GLRB: variants seen among roughly 807,000 people sequenced by gnomAD.
GLRB encodes the protein glycine receptor beta, also known as glycine receptor subunit beta.
GLRB carries 33 observed loss-of-function variants against 54.2 expected under a neutral mutation model. That is an observed-to-expected ratio of 0.61 (90% CI 0.46 to 0.81). The LOEUF (loss-of-function observed/expected upper bound fraction) is 0.81. GLRB is among the 40% of genes least tolerant of loss of function. GLRB has a pLI of 0.00. For missense variants in GLRB, 572 were observed against 584.6 expected (o/e 0.98, Z 0.22); for synonymous variants, 209 against 208.2 (o/e 1.00, Z -0.03).
chr4:157,104,954 C>CT (rs756079657), intron 2 of GLRB, among the ~76,000 whole-genome samples: 44 of 151,564 alleles, frequency 2.9e-4, no homozygotes, highest in Admixed American at 4.6e-4. Flanking sequence ...TTAGTTGCAT[C>CT]TTCTTTCTTC....
intron 2 of GLRB, among the ~76,000 whole-genome samples, chr4:157,111,826 A>G (rs1735430136): frequency 6.6e-6 from 1 of 151,896 alleles, no homozygotes; most frequent in Non-Finnish European, 1.5e-5. Flanking sequence ...CTCTTTCTCA[A>G]CTGAAAAAAA....
At chr4:157,161,970 G>A (rs945483800) in intron 9 of GLRB, among the ~76,000 whole-genome samples, 12 of 152,164 alleles carry the variant, frequency 7.9e-5, no homozygotes, top group African/African-American at 2.4e-4. Flanking sequence ...AGGTACACCA[G>A]TCAGACGTAG....
intron 8 of GLRB, among the ~76,000 whole-genome samples, chr4:157,149,775 T>G (rs988224632): frequency 3.3e-5 from 5 of 152,102 alleles, no homozygotes; most frequent in Non-Finnish European, 7.4e-5. Flanking sequence ...GCTCTGTTGA[T>G]TCATGGCATT....
At chr4:157,149,217 T>A (rs912561572) in intron 8 of GLRB, among the ~76,000 whole-genome samples, 5 of 152,134 alleles carry the variant, frequency 3.3e-5, no homozygotes, top group Non-Finnish European at 7.4e-5. Flanking sequence ...TACTTTAAAT[T>A]GCCCTAGATT....
intron 2 of GLRB, among the ~76,000 whole-genome samples, chr4:157,098,909 A>C (rs1734914977): frequency 6.6e-6 from 1 of 151,976 alleles, no homozygotes; most frequent in Non-Finnish European, 1.5e-5. Flanking sequence ...TGCCTGGCTG[A>C]AAATCACTTT....
intron 4 of GLRB, among the ~76,000 whole-genome samples, chr4:157,123,185 G>A (rs1735895621): frequency 6.6e-6 from 1 of 151,632 alleles, no homozygotes; most frequent in Non-Finnish European, 1.5e-5. Context: ...TACTTCAGGT[G>A]GAAGAAAGAA....
At chr4:157,144,280 G>A (rs576929128) in intron 8 of GLRB, among the ~76,000 whole-genome samples, 1 of 152,238 alleles carries the variant, frequency 6.6e-6, no homozygotes, top group South Asian at 2.1e-4. Flanking sequence ...ACTTAAAAAT[G>A]AATAACTATT....
At chr4:157,101,306 A>G (rs1735016884) in intron 2 of GLRB, among the ~76,000 whole-genome samples, 1 of 152,050 alleles carries the variant, frequency 6.6e-6, no homozygotes, top group South Asian at 2.1e-4. Context: ...ATTTTTGGTG[A>G]CCTATAATGT....
At chr4:157,090,279 G>A (rs1370739977) in intron 2 of GLRB, among the ~76,000 whole-genome samples, 2 of 152,128 alleles carry the variant, frequency 1.3e-5, no homozygotes, top group East Asian at 1.9e-4. Context: ...ATAACTGTAC[G>A]GATATTAACA....
At chr4:157,092,056 T>C (rs6813686) in intron 2 of GLRB, among the ~76,000 whole-genome samples, 64,524 of 152,068 alleles carry the variant, frequency 0.42, 16,371 homozygotes, top group African/African-American at 0.72. Flanking sequence ...ATTCAGGAGA[T>C]TTGTGTTCTA....
chr4:157,151,560 G>A (rs1269570424), intron 8 of GLRB, among the ~76,000 whole-genome samples: 2 of 152,098 alleles, frequency 1.3e-5, no homozygotes. Flanking sequence ...ATCTGCAGAA[G>A]TTATATTTGC....
intron 9 of GLRB, among the ~76,000 whole-genome samples, chr4:157,164,924 A>G (rs982286573): frequency 1.3e-5 from 2 of 152,160 alleles, no homozygotes; most frequent in Non-Finnish European, 2.9e-5. Flanking sequence ...AAACACATAT[A>G]AGAACTTTTA....
intron 2 of GLRB, among the ~76,000 whole-genome samples, chr4:157,110,707 T>A (rs1735387703): frequency 6.6e-6 from 1 of 152,046 alleles, no homozygotes; most frequent in South Asian, 2.1e-4. Context: ...CTTTGTATTG[T>A]TATCTATGCA....
At chr4:157,148,112 G>A (rs1477155297) in intron 8 of GLRB, among the ~76,000 whole-genome samples, 1 of 152,080 alleles carries the variant, frequency 6.6e-6, no homozygotes, top group Non-Finnish European at 1.5e-5. Flanking sequence ...CTCTTATTTG[G>A]TGAATTATAC....
intron 9 of GLRB, among the ~76,000 whole-genome samples, chr4:157,168,604 T>G (rs188403229): frequency 6.6e-6 from 1 of 152,218 alleles, no homozygotes; most frequent in African/African-American, 2.4e-5. Flanking sequence ...TAAGTCAACA[T>G]GTTGGTGATT....
chr4:157,127,726 G>T (rs1736065138), intron 4 of GLRB, among the ~76,000 whole-genome samples: 1 of 151,782 alleles, frequency 6.6e-6, no homozygotes, highest in African/African-American at 2.4e-5. Flanking sequence ...ATGCAAGGAA[G>T]GGACCATGAC....
chr4:157,126,852 T>A (rs1736032690), intron 4 of GLRB, among the ~76,000 whole-genome samples: 1 of 151,886 alleles, frequency 6.6e-6, no homozygotes. Context: ...CAGAAATACA[T>A]AAGAGCTCTT....
At position 157,138,933 on chromosome 4, in the gene GLRB, A is replaced by G. The variant is rs777787054; in HGVS notation, c.735A>G (p.Lys245=). 1.4e-6 allele frequency: 2 copies of G among 1,455,594 alleles called. No homozygotes were observed. Among genetic ancestry groups the G allele is most frequent in the Non-Finnish European group, 1.9e-6 (2 of 1,037,240 alleles). The allele number at this position is 1,455,594 out of a possible 1,614,324, so 90.2% of individuals were successfully genotyped here. The change falls in exon 7 of 10, where the codon AAA becomes AAG. Residue 245 remains lysine (K), a synonymous_variant. Coordinates refer to ENST00000264428, the MANE Select transcript of GLRB (RefSeq NM_000824.5). The part of the protein sequence containing the change: ...KEDIEYGNCT[K]YYKGTGYYTC... ...ATATTGAATATGGTAACTGTACAAA[A>G]TACTATAAAGGCACGGGTAAGTAAT...
At chr4:157,150,535 C>G (rs911546090) in intron 8 of GLRB, among the ~76,000 whole-genome samples, 10 of 152,034 alleles carry the variant, frequency 6.6e-5, no homozygotes, top group Non-Finnish European at 1.3e-4. Context: ...CTTTACCTCA[C>G]AAAGTCCTCT....
Sources: allele counts gnomAD v4.1 joint callset (sites outside exome capture counted in the v4.1 genomes callset), GRCh38; gene constraint gnomAD v4.1.1; transcripts MANE v1.5; gene names NCBI Gene and HGNC (gene_info 2026-07-23, HGNC 2026-07-21).